TBC1D21: variants seen among roughly 807,000 people sequenced by gnomAD.
TBC1D21 encodes the protein TBC1 domain family member 21, also known as male germ cell Rab GTPase-activating protein.
TBC1D21 carries 38 observed loss-of-function variants against 46.0 expected under a neutral mutation model. The ratio of observed to expected loss-of-function variants is 0.83; its 90% CI spans 0.64 to 1.08. The LOEUF (loss-of-function observed/expected upper bound fraction) is 1.08. TBC1D21 is among the 50% of genes least tolerant of loss of function. The pLI is 0.00. For synonymous variants in TBC1D21, 151 were observed against 157.2 expected (o/e 0.96, Z 0.29); for missense variants, 415 against 417.9 (o/e 0.99, Z 0.06).
chr15:73,880,562 A>G (rs1282925175), intron 1 of TBC1D21, among the ~76,000 whole-genome samples: 1 of 152,126 alleles, frequency 6.6e-6, no homozygotes, highest in African/African-American at 2.4e-5. Flanking sequence ...CCTGAGGCCA[A>G]GAGATCAAGA....
At chr15:73,886,475 T>C in intron 7 of TBC1D21, 37 bp from the exon 8 acceptor site, 1 of 1,591,992 alleles carries the variant, frequency 6.3e-7, no homozygotes, top group East Asian at 2.2e-5. Flanking sequence ...TCATATGTGT[T>C]TTCCCCTGAC....
the TBC1D21 span, among the ~76,000 whole-genome samples, chr15:73,897,561 G>A: frequency 7.3e-4 from 111 of 152,324 alleles, no homozygotes; most frequent in Admixed American, 3.0e-3. Flanking sequence ...CTGCACTTGC[G>A]TGTGCCAGCC....
the TBC1D21 span, among the ~76,000 whole-genome samples, chr15:73,904,368 C>G: frequency 1.3e-5 from 2 of 152,364 alleles, no homozygotes; most frequent in South Asian, 4.1e-4. Flanking sequence ...CTGAAGTCAG[C>G]TTGCACTGGC....
At chr15:73,897,238 T>C in the TBC1D21 span, among the ~76,000 whole-genome samples, 2 of 152,166 alleles carry the variant, frequency 1.3e-5, no homozygotes, top group African/African-American at 4.8e-5. Flanking sequence ...CCCCAGGTAA[T>C]AGTTGTGTGA....
chr15:73,888,937 T>A, intron 10 of TBC1D21, 132 bp from the exon 11 acceptor site: 1 of 1,049,028 alleles, frequency 9.5e-7, no homozygotes, highest in Non-Finnish European at 1.4e-6. Flanking sequence ...AGGGCCCTCA[T>A]CCCCCATTCC....
chr15:73,888,455 A>T lies in TBC1D21; in HGVS notation c.920A>T (p.Asp307Val), dbSNP rs368602168. Residue 307 changes from aspartate to valine, a missense_variant, in exon 10 of 11, where the codon GAT (aspartate) becomes GTT (valine). Coordinates refer to ENST00000300504, the MANE Select transcript of TBC1D21 (RefSeq NM_153356.3). ...GCCTGCAACAACCTCATCGACCTTG[A>T]TGCTGATGAGCTGATCTCTGCCGCC... is the stretch of plus-strand genomic sequence containing the variant. The part of the protein sequence containing the change: ...LLACNNLIDL[D>V]ADELISAACV... The T allele has an allele frequency of 1.2e-5, 20 of 1,613,830 alleles. No homozygotes were observed. Among genetic ancestry groups the T allele is most frequent in the Non-Finnish European group, 1.6e-5 (19 of 1,179,978 alleles).
the TBC1D21 span, among the ~76,000 whole-genome samples, chr15:73,901,855 A>C: frequency 6.6e-6 from 1 of 151,794 alleles, no homozygotes; most frequent in Admixed American, 6.6e-5. Context: ...TCTGTCACCC[A>C]GTCTGGAGTA....
At chr15:73,876,199 G>GGTGT (rs2068057275) in intron 1 of TBC1D21, among the ~76,000 whole-genome samples, 302 of 28,326 alleles carry the variant, frequency 0.011, 132 homozygotes, top group Middle Eastern at 0.05. Flanking sequence ...TTTTTTGTGG[G>GGTGT]TTTTTTTTTT....
downstream of TBC1D21, among the ~76,000 whole-genome samples, chr15:73,889,445 G>A (rs1256554526): frequency 1.3e-5 from 2 of 152,224 alleles, no homozygotes. Context: ...AACCAGCTCT[G>A]AAAGGCTTCC....
chr15:73,890,873 T>A (rs2068331395), downstream of TBC1D21, among the ~76,000 whole-genome samples: 1 of 149,958 alleles, frequency 6.7e-6, no homozygotes, highest in Non-Finnish European at 1.5e-5. Context: ...CGACCACCCC[T>A]CTCAAGCCCC....
At chr15:73,899,525 A>T in the TBC1D21 span, among the ~76,000 whole-genome samples, 1 of 152,150 alleles carries the variant, frequency 6.6e-6, no homozygotes, top group East Asian at 1.9e-4. Context: ...ACATTTAGAT[A>T]GTGGAAAGGA....
At chr15:73,905,733 G>C in the TBC1D21 span, among the ~76,000 whole-genome samples, 769 of 152,286 alleles carry the variant, frequency 5.0e-3, 6 homozygotes, top group African/African-American at 0.018. Flanking sequence ...CCCCAGGTGG[G>C]ATAAAACCCT....
intron 3 of TBC1D21, 132 bp from the exon 4 acceptor site, chr15:73,884,019 C>T: frequency 1.3e-6 from 1 of 747,070 alleles, no homozygotes; most frequent in South Asian, 1.5e-5. Flanking sequence ...GGGACAGCAT[C>T]ACAGGTAGGG....
chr15:73,885,346 G>A (rs905143829), intron 6 of TBC1D21, among the ~76,000 whole-genome samples: 2 of 152,190 alleles, frequency 1.3e-5, no homozygotes, highest in Non-Finnish European at 2.9e-5. Context: ...AACCTTGAAA[G>A]AGCATGGCTG....
chr15:73,891,829 AG>A (rs1224775215), downstream of TBC1D21, among the ~76,000 whole-genome samples: 6 of 152,198 alleles, frequency 3.9e-5, no homozygotes, highest in Non-Finnish European at 7.3e-5. Context: ...AGAGAGGCTG[AG>A]GGGGTGGGTG....
chr15:73,889,293 A>G (rs953409064), downstream of TBC1D21: 9 of 630,532 alleles, frequency 1.4e-5, no homozygotes, highest in Non-Finnish European at 2.2e-5. Context: ...GTACGATAGG[A>G]AGAGAGGCTG....
At chr15:73,895,085 C>A in the TBC1D21 span, among the ~76,000 whole-genome samples, 2 of 152,174 alleles carry the variant, frequency 1.3e-5, no homozygotes, top group African/African-American at 4.8e-5. Flanking sequence ...ATTCCCAGGG[C>A]CCACCAATTA....
the TBC1D21 span, among the ~76,000 whole-genome samples, chr15:73,898,421 C>T: frequency 3.2e-3 from 486 of 152,250 alleles, 2 homozygotes; most frequent in African/African-American, 0.011. Flanking sequence ...TGGTTTTCTA[C>T]GCCCAAGACC....
chr15:73,892,822 C>G (rs754148444), downstream of TBC1D21, among the ~76,000 whole-genome samples: 1 of 152,244 alleles, frequency 6.6e-6, no homozygotes, highest in Non-Finnish European at 1.5e-5. Context: ...AGGTTTCAAG[C>G]TGGAAAGGAA....
Sources: gnomAD v4.1 joint callset for allele counts (sites outside exome capture counted in the v4.1 genomes callset) on GRCh38, gnomAD v4.1.1 for gene constraint, MANE v1.5 for transcripts, NCBI Gene and HGNC (gene_info 2026-07-23, HGNC 2026-07-21) for gene names.